Variants in IMPG2 observed in about 807,000 individuals in gnomAD.
The protein encoded by IMPG2 is IPM 200.
Under a neutral mutation model 129.2 loss-of-function variants are expected in IMPG2, and 91 were observed. That is an observed-to-expected ratio of 0.70 (90% confidence interval 0.59 to 0.84). IMPG2 has a LOEUF of 0.84. Among genes scored for constraint, IMPG2 ranks in the 40% least tolerant of loss-of-function variants. IMPG2 has a pLI of 0.00. For missense variants in IMPG2, 1,430 were observed against 1,461.7 expected, an observed-to-expected ratio of 0.98 and a Z score of 0.35; for synonymous variants, 510 against 517.7, an observed-to-expected ratio of 0.99 and a Z score of 0.20.
rs532966833 is a variant in IMPG2, at chr3:101,223,229, G to A, written c.*3740C>T. 27 of 152,256 alleles carry A rather than the reference G, an allele frequency of 1.8e-4. No homozygotes were observed. Among genetic ancestry groups the A allele is most frequent in the Admixed American group, 5.9e-4 (9 of 15,286 alleles). 9.4% of individuals were successfully genotyped at this position (152,256 alleles called of 1,614,324 possible). On this transcript the variant is annotated 3_prime_UTR_variant, in exon 19 of 19. Coordinates refer to ENST00000193391, the MANE Select transcript of IMPG2 (RefSeq NM_016247.4). Reference sequence around the variant, plus strand: ...ATTTTTCTGCATTTATTACACAATTGGGAGAATAAGCTAGGATCTTGACTC... The same window carrying A: ...ATTTTTCTGCATTTATTACACAATTAGGAGAATAAGCTAGGATCTTGACTC...
At chr3:101,292,821 A>G (rs910311942) in intron 3 of IMPG2, among the ~76,000 whole-genome samples, 4 of 152,194 alleles carry the variant, frequency 2.6e-5, no homozygotes, top group Non-Finnish European at 5.9e-5. Context: ...CTTTATTGTC[A>G]TTTCAATACT....
intron 11 of IMPG2, among the ~76,000 whole-genome samples, chr3:101,248,363 G>C (rs1034512640): frequency 2.6e-5 from 4 of 152,162 alleles, no homozygotes; most frequent in African/African-American, 7.2e-5. Context: ...TAATTGTGAG[G>C]CCTCCTGAGC....
chr3:101,273,548 A>ACTGC (rs1461884566), intron 7 of IMPG2, 33 bp downstream of exon 7: 1 of 1,605,632 alleles, frequency 6.2e-7, no homozygotes, highest in East Asian at 2.2e-5. Context: ...TAGCAGGCAT[A>ACTGC]CTGCCTTGTT....
intron 14 of IMPG2, among the ~76,000 whole-genome samples, chr3:101,236,414 T>C (rs1706346137): frequency 6.6e-6 from 1 of 152,140 alleles, no homozygotes; most frequent in South Asian, 2.1e-4. Flanking sequence ...GCTGCCAAGA[T>C]GGCCAAATAG....
chr3:101,292,757 C>G, intron 3 of IMPG2, among the ~76,000 whole-genome samples: 1 of 152,186 alleles, frequency 6.6e-6, no homozygotes, highest in East Asian at 1.9e-4. Context: ...TGGAGTCAAT[C>G]TTCTCAAATC....
intron 14 of IMPG2, among the ~76,000 whole-genome samples, chr3:101,239,469 C>T (rs1212692410): frequency 6.6e-6 from 1 of 152,164 alleles, no homozygotes; most frequent in East Asian, 1.9e-4. Context: ...AATAGGAACA[C>T]CTTTACACTG....
Position 101,275,707 on chromosome 3 carries a change from A to G in IMPG2, c.622T>C (p.Tyr208His). 1 of 1,613,996 alleles carries G rather than the reference A, an allele frequency of 6.2e-7. No homozygotes were observed. The highest frequency in any genetic ancestry group is 8.5e-7 in the Non-Finnish European group (1 of 1,179,868). Residue 208 changes from tyrosine to histidine, a missense_variant, in exon 6 of 19, where the codon TAT becomes CAT. Tyr to His is a moderately conservative substitution (Grantham distance 83). Coordinates refer to ENST00000193391, the MANE Select transcript of IMPG2 (RefSeq NM_016247.4). ...LSVPHPEVDA[Y>H]EGASESSLER... Reference sequence around the variant, plus strand: ...AAGCTGCTCTCTGAGGCACCTTCATAGGCGTCCACCTCTGGATGTGGAACA... The same window carrying G: ...AAGCTGCTCTCTGAGGCACCTTCATGGGCGTCCACCTCTGGATGTGGAACA...
intron 10 of IMPG2, among the ~76,000 whole-genome samples, chr3:101,254,173 C>T (rs189341193): frequency 6.6e-6 from 1 of 152,140 alleles, no homozygotes; most frequent in Admixed American, 6.5e-5. Flanking sequence ...GGTAGAAAAG[C>T]ATGCAAAAAT....
intron 4 of IMPG2, among the ~76,000 whole-genome samples, chr3:101,279,860 A>G (rs1706875070): frequency 6.6e-6 from 1 of 152,198 alleles, no homozygotes; most frequent in South Asian, 2.1e-4. Context: ...TCACTTGCCT[A>G]CACTCCAACT....
At position 101,244,638 on chromosome 3, in the gene IMPG2, T is replaced by C; in HGVS notation, c.1693A>G (p.Ile565Val). Reference sequence around the variant, plus strand: ...GTCAAGGAGTCCAAGCCAAAAGGTATAGAAGAGGTCAGATATGGTGAAGAT... The same window carrying C: ...GTCAAGGAGTCCAAGCCAAAAGGTACAGAAGAGGTCAGATATGGTGAAGAT... ...LTSSPYLTSS[I>V]PFGLDSLTSK... The change falls in exon 13 of 19, where the codon ATA (isoleucine) becomes GTA (valine). Residue 565 changes from isoleucine to valine, a missense_variant. By Grantham distance (29) the Ile-to-Val change is conservative. Coordinates refer to ENST00000193391, the MANE Select transcript of IMPG2 (RefSeq NM_016247.4). 1 of 1,612,756 alleles carries C rather than the reference T, an allele frequency of 6.2e-7. No individual in the cohort carries two copies. The highest frequency in any genetic ancestry group is 1.3e-5 in the African/African-American group (1 of 74,952).
chr3:101,279,390 GC>G (rs1706870422), intron 4 of IMPG2, among the ~76,000 whole-genome samples: 1 of 152,184 alleles, frequency 6.6e-6, no homozygotes, highest in Admixed American at 6.5e-5. Flanking sequence ...CCCACTGGAT[GC>G]CAGAAACCTC....
chr3:101,275,603 T>C, intron 6 of IMPG2, 60 bp downstream of exon 6: 4 of 1,239,190 alleles, frequency 3.2e-6, no homozygotes, highest in Non-Finnish European at 4.8e-6. Context: ...GGAGATAAAC[T>C]CTCTCTTAAT....
intron 4 of IMPG2, among the ~76,000 whole-genome samples, chr3:101,277,926 A>G (rs1326616994): frequency 2.6e-5 from 4 of 152,180 alleles, no homozygotes; most frequent in African/African-American, 9.7e-5. Flanking sequence ...TCTGTTTTCA[A>G]CTCATAGCAA....
At chr3:101,276,306 G>A (rs560915088) in intron 5 of IMPG2, among the ~76,000 whole-genome samples, 1 of 152,226 alleles carries the variant, frequency 6.6e-6, no homozygotes, top group Admixed American at 6.5e-5. Context: ...TCCTTACTCT[G>A]GGAACCTCTC....
At chr3:101,287,112 T>G (rs925514533) in intron 4 of IMPG2, among the ~76,000 whole-genome samples, 1 of 152,170 alleles carries the variant, frequency 6.6e-6, no homozygotes, top group African/African-American at 2.4e-5. Context: ...TTCAGGAATA[T>G]TGTGTTACTG....
At chr3:101,255,734 T>C (rs1259049495) in intron 10 of IMPG2, among the ~76,000 whole-genome samples, 1 of 152,122 alleles carries the variant, frequency 6.6e-6, no homozygotes, top group East Asian at 1.9e-4. Flanking sequence ...TTTCAGATTA[T>C]AACAAGCTTC....
intron 2 of IMPG2, among the ~76,000 whole-genome samples, chr3:101,319,342 T>C (rs1409495025): frequency 6.6e-6 from 1 of 152,148 alleles, no homozygotes; most frequent in Non-Finnish European, 1.5e-5. Flanking sequence ...TCAAAGTGCA[T>C]GTCATTATTA....
At chr3:101,229,236 C>T (rs917891391) in intron 17 of IMPG2, 144 bp downstream of exon 17, 80 of 735,072 alleles carry the variant, frequency 1.1e-4, no homozygotes, top group Non-Finnish European at 1.7e-4. Context: ...AGGTAAAAAC[C>T]AATTACTAAA....
At position 101,224,344 on chromosome 3, in the gene IMPG2, T is replaced by C. The variant is rs1310100851; in HGVS notation, c.*2625A>G. 1 of 152,256 alleles carries C rather than the reference T, an allele frequency of 6.6e-6. No homozygotes were observed. Among genetic ancestry groups the C allele is most frequent in the Non-Finnish European group, 1.5e-5 (1 of 68,040 alleles). The allele number at this position is 152,256 out of a possible 1,614,324, so 9.4% of individuals were successfully genotyped here. On this transcript the variant is annotated 3_prime_UTR_variant, in exon 19 of 19. Transcript: ENST00000193391. ...CACCACAGTATCTTACAACCTTTTA[T>C]AATAACATTTTTAAAATGGTTATTT...
Sources: allele counts gnomAD v4.1 joint callset (sites outside exome capture counted in the v4.1 genomes callset), GRCh38; gene constraint gnomAD v4.1.1; transcripts MANE v1.5; gene names NCBI Gene and HGNC (gene_info 2026-07-23, HGNC 2026-07-21).